The following ACTR3C variants were observed in gnomAD, a reference collection of about 807,000 sequenced individuals.
ACTR3C encodes the protein actin-related protein 3C.
Under a neutral mutation model 26.3 loss-of-function variants are expected in ACTR3C, and 18 were observed. That is an observed-to-expected ratio of 0.68 (90% CI 0.47 to 1.01). The LOEUF is 1.01. Ranked by LOEUF, ACTR3C falls within the 50% of genes least tolerant of loss-of-function variation. The pLI is 0.00. For synonymous variants in ACTR3C, 55 were observed against 94.5 expected, an observed-to-expected ratio of 0.58 and a Z score of 2.42; for missense variants, 184 against 250.7, an observed-to-expected ratio of 0.73 and a Z score of 1.80.
At chr7:149,882,834 T>C in the ACTR3C span, among the ~76,000 whole-genome samples, 4 of 152,078 alleles carry the variant, frequency 2.6e-5, no homozygotes, top group Non-Finnish European at 5.9e-5. Flanking sequence ...TCAGGAATCA[T>C]GGGAGTGAAA....
chr7:150,112,241 G>A, the ACTR3C span, among the ~76,000 whole-genome samples: 1 of 152,026 alleles, frequency 6.6e-6, no homozygotes, highest in African/African-American at 2.4e-5. Flanking sequence ...GGCTGGGAAC[G>A]GCCTCCTTCC....
the ACTR3C span, among the ~76,000 whole-genome samples, chr7:150,071,651 G>A: frequency 0.01 from 1,531 of 148,096 alleles, 25 homozygotes; most frequent in African/African-American, 0.036. Context: ...GCAGGACTGT[G>A]GGCCTCGAGG....
At chr7:150,264,974 A>G (rs1833921030) in intron 6 of ACTR3C, 1 of 734,606 alleles carries the variant, frequency 1.4e-6, no homozygotes, top group South Asian at 6.0e-5. Flanking sequence ...CAGTAACTCC[A>G]CCTTCTTAAG....
the ACTR3C span, among the ~76,000 whole-genome samples, chr7:150,086,182 C>T: frequency 6.6e-6 from 1 of 152,066 alleles, no homozygotes; most frequent in South Asian, 2.1e-4. Flanking sequence ...TGGGGTTTCA[C>T]CATGTTGGGC....
At chr7:150,103,201 C>T in the ACTR3C span, among the ~76,000 whole-genome samples, 1 of 151,944 alleles carries the variant, frequency 6.6e-6, no homozygotes, top group Admixed American at 6.6e-5. Context: ...GCCTGGCTTA[C>T]AGCAGGTGCT....
chr7:149,899,602 T>TAAAAA, the ACTR3C span, among the ~76,000 whole-genome samples: 1 of 118,602 alleles, frequency 8.4e-6, no homozygotes, highest in Non-Finnish European at 1.8e-5. Flanking sequence ...CTGGAAGAAG[T>TAAAAA]AAAAAAAAAA....
the ACTR3C span, among the ~76,000 whole-genome samples, chr7:150,149,570 C>A: frequency 6.9e-6 from 1 of 144,592 alleles, no homozygotes; most frequent in African/African-American, 2.6e-5. Context: ...GTTCAATTCC[C>A]ACCTATGAGT....
At chr7:150,288,396 C>T (rs1835948445) in intron 4 of ACTR3C, among the ~76,000 whole-genome samples, 2 of 140,896 alleles carry the variant, frequency 1.4e-5, no homozygotes, top group East Asian at 2.0e-4. Context: ...TAACAAAAGG[C>T]TCAATTCTTT....
At chr7:150,216,139 A>T in the ACTR3C span, among the ~76,000 whole-genome samples, 68 of 152,068 alleles carry the variant, frequency 4.5e-4, no homozygotes, top group African/African-American at 1.4e-3. Context: ...GAGAAAACAG[A>T]TATGAAATAT....
At chr7:150,111,390 C>T in the ACTR3C span, among the ~76,000 whole-genome samples, 2 of 103,662 alleles carry the variant, frequency 1.9e-5, no homozygotes, top group Admixed American at 1.8e-4. Context: ...ATGCCAAGCG[C>T]GGCCCGCCCT....
the ACTR3C span, among the ~76,000 whole-genome samples, chr7:150,010,752 A>G: frequency 6.6e-6 from 1 of 150,740 alleles, no homozygotes; most frequent in South Asian, 2.1e-4. Context: ...ATATCTGCAG[A>G]ACTGTGCCTA....
chr7:150,072,040 T>C, the ACTR3C span, among the ~76,000 whole-genome samples: 3 of 145,652 alleles, frequency 2.1e-5, no homozygotes, highest in South Asian at 2.4e-4. Context: ...GAAGAGGGCT[T>C]GCCACAGGGA....
the ACTR3C span, among the ~76,000 whole-genome samples, chr7:150,225,407 G>A: frequency 6.6e-6 from 1 of 152,100 alleles, no homozygotes; most frequent in Non-Finnish European, 1.5e-5. Context: ...AATCATTCCA[G>A]CCCTTTTCCC....
chr7:149,991,868 C>T, the ACTR3C span, among the ~76,000 whole-genome samples: 4 of 152,140 alleles, frequency 2.6e-5, no homozygotes, highest in Admixed American at 1.3e-4. Context: ...TAGCTGGGAC[C>T]GCAGGCGTGT....
the ACTR3C span, among the ~76,000 whole-genome samples, chr7:150,064,140 A>G: frequency 2.6e-5 from 4 of 151,888 alleles, no homozygotes; most frequent in Non-Finnish European, 5.9e-5. Context: ...TCAGTTGCCC[A>G]GGAATGATTA....
the ACTR3C span, among the ~76,000 whole-genome samples, chr7:150,198,772 G>A: frequency 3.9e-5 from 5 of 129,064 alleles, no homozygotes; most frequent in Admixed American, 7.5e-5. Flanking sequence ...TCAGCCCCCC[G>A]CCTGGCCAGC....
the ACTR3C span, among the ~76,000 whole-genome samples, chr7:150,037,368 C>G: frequency 1.8e-5 from 1 of 55,224 alleles, no homozygotes; most frequent in South Asian, 5.7e-4. Flanking sequence ...GTCCCCGCCT[C>G]GCGGGGGGTG....
the ACTR3C span, among the ~76,000 whole-genome samples, chr7:150,211,835 A>G: frequency 0.012 from 1,871 of 150,896 alleles, 14 homozygotes; most frequent in Non-Finnish European, 0.019. Flanking sequence ...CACACAGTTA[A>G]GAAGCTTCCA....
At chr7:150,156,603 C>A in the ACTR3C span, among the ~76,000 whole-genome samples, 2 of 150,456 alleles carry the variant, frequency 1.3e-5, no homozygotes, top group South Asian at 2.1e-4. Context: ...GGAGAGAGAG[C>A]GATTTGGATT....
Sources: gnomAD v4.1 joint callset for allele counts (sites outside exome capture counted in the v4.1 genomes callset) on GRCh38, gnomAD v4.1.1 for gene constraint, MANE v1.5 for transcripts, NCBI Gene and HGNC (gene_info 2026-07-23, HGNC 2026-07-21) for gene names.